MAGI2: variants seen among roughly 807,000 people sequenced by gnomAD.
The protein encoded by MAGI2 is membrane-associated guanylate kinase, WW and PDZ domain-containing protein 2.
Under a neutral mutation model 133.3 loss-of-function variants are expected in MAGI2, and 35 were observed. That is an observed-to-expected ratio of 0.26 (90% CI 0.20 to 0.35). MAGI2 has a LOEUF of 0.35. Ranked by LOEUF, MAGI2 falls within the 10% of genes least tolerant of loss-of-function variation. The pLI is 1.00. For synonymous variants in MAGI2, 729 were observed against 710.6 expected (o/e 1.03, Z -0.41); for missense variants, 1,636 against 1,863.4 (o/e 0.88, Z 2.25).
At chr7:78,358,162 C>CAA (rs1185043187) in intron 7 of MAGI2, 9 of 48,728 alleles carry the variant, frequency 1.8e-4, no homozygotes, top group African/African-American at 2.2e-4. Flanking sequence ...GACTTTGCCT[C>CAA]AAAAAAAAAA....
chr7:78,174,970 T>G (rs533278368), intron 14 of MAGI2, among the ~76,000 whole-genome samples: 5 of 152,334 alleles, frequency 3.3e-5, no homozygotes, highest in African/African-American at 1.2e-4. Context: ...TAACAAGTCC[T>G]TAAGGGTGAT....
intron 1 of MAGI2, among the ~76,000 whole-genome samples, chr7:79,196,093 C>T (rs771526099): frequency 8.6e-5 from 13 of 151,794 alleles, no homozygotes; most frequent in African/African-American, 2.9e-4. Context: ...AAAGTGTTCT[C>T]ATCACAAAAA....
chr7:78,860,990 A>G (rs989303062), intron 2 of MAGI2, among the ~76,000 whole-genome samples: 1 of 152,136 alleles, frequency 6.6e-6, no homozygotes, highest in African/African-American at 2.4e-5. Flanking sequence ...GTTCGATCTC[A>G]GACTGCTGTG....
intron 6 of MAGI2, among the ~76,000 whole-genome samples, chr7:78,417,962 G>A (rs55768465): frequency 0.025 from 3,824 of 152,192 alleles, 154 homozygotes; most frequent in African/African-American, 0.086. Flanking sequence ...TTGAGGACCT[G>A]GTCATGGCTC....
intron 1 of MAGI2, among the ~76,000 whole-genome samples, chr7:79,091,823 C>T (rs551247724): frequency 1.4e-4 from 21 of 151,770 alleles, no homozygotes; most frequent in East Asian, 1.9e-4. Context: ...TTGAATGTTA[C>T]GTAATTTTTT....
intron 1 of MAGI2, among the ~76,000 whole-genome samples, chr7:79,156,286 A>G (rs12112164): frequency 0.79 from 120,663 of 152,070 alleles, 48,547 homozygotes; most frequent in Non-Finnish European, 0.87. Flanking sequence ...AGATAACCCT[A>G]TAAAACTGTC....
chr7:78,806,041 T>C (rs1163556500), intron 2 of MAGI2, among the ~76,000 whole-genome samples: 1 of 152,236 alleles, frequency 6.6e-6, no homozygotes, highest in African/African-American at 2.4e-5. Context: ...GTTTGTGTTA[T>C]ATAACAATCA....
chr7:79,430,944 C>A (rs370193386), intron 1 of MAGI2, among the ~76,000 whole-genome samples: 18 of 152,172 alleles, frequency 1.2e-4, no homozygotes, highest in African/African-American at 3.9e-4. Context: ...TTAAAAGATG[C>A]CTTCTGCAGT....
chr7:78,479,244 G>T (rs560278773), intron 6 of MAGI2, among the ~76,000 whole-genome samples: 4 of 152,030 alleles, frequency 2.6e-5, no homozygotes, highest in African/African-American at 7.2e-5. Flanking sequence ...ATCTGTTTGG[G>T]TTCCTTAAAT....
intron 1 of MAGI2, among the ~76,000 whole-genome samples, chr7:79,204,728 G>T (rs1828893144): frequency 6.6e-6 from 1 of 151,146 alleles, no homozygotes; most frequent in Non-Finnish European, 1.5e-5. Context: ...AATAAAATAA[G>T]GAAAACACTA....
intron 16 of MAGI2, among the ~76,000 whole-genome samples, chr7:78,146,690 C>A (rs760066795): frequency 2.6e-4 from 40 of 152,282 alleles, no homozygotes; most frequent in Non-Finnish European, 4.7e-4. Context: ...ACTTTTCACA[C>A]CCATCAATGT....
chr7:79,195,077 A>G (rs555487221), intron 1 of MAGI2, among the ~76,000 whole-genome samples: 126 of 152,112 alleles, frequency 8.3e-4, no homozygotes, highest in South Asian at 7.5e-3. Context: ...TTATTATTTT[A>G]TGACTCAATT....
intron 1 of MAGI2, among the ~76,000 whole-genome samples, chr7:79,172,686 C>T (rs1825732594): frequency 6.6e-6 from 1 of 151,732 alleles, no homozygotes; most frequent in Admixed American, 6.6e-5. Context: ...AGAATATATA[C>T]CTGTAATCAA....
chr7:78,399,430 T>C (rs117999943), intron 6 of MAGI2, among the ~76,000 whole-genome samples: 3 of 152,340 alleles, frequency 2.0e-5, no homozygotes, highest in Non-Finnish European at 2.9e-5. Context: ...ATTTCATCTA[T>C]AGAATGCTAA....
chr7:78,439,256 A>G (rs1787360932), intron 6 of MAGI2, among the ~76,000 whole-genome samples: 1 of 152,192 alleles, frequency 6.6e-6, no homozygotes, highest in Non-Finnish European at 1.5e-5. Context: ...TTCAACAATC[A>G]TTTATTGAGC....
intron 4 of MAGI2, 71 bp downstream of exon 4, chr7:78,521,359 A>G (rs1796486858): frequency 9.4e-7 from 1 of 1,061,264 alleles, no homozygotes; most frequent in Non-Finnish European, 1.5e-6. Flanking sequence ...CTTACTGTGT[A>G]TATGTGTACA....
chr7:78,885,498 A>G (rs762183341), intron 2 of MAGI2, among the ~76,000 whole-genome samples: 41 of 152,122 alleles, frequency 2.7e-4, no homozygotes, highest in Admixed American at 6.5e-4. Flanking sequence ...GCCTCAAACC[A>G]GATATTGTAC....
At chr7:78,540,569 G>C (rs886107941) in intron 3 of MAGI2, among the ~76,000 whole-genome samples, 4 of 152,098 alleles carry the variant, frequency 2.6e-5, no homozygotes, top group African/African-American at 9.7e-5. Context: ...TGACTTATGT[G>C]CTCATATTTC....
intron 9 of MAGI2, among the ~76,000 whole-genome samples, chr7:78,325,465 A>G (rs1788490354): frequency 6.6e-6 from 1 of 152,154 alleles, no homozygotes; most frequent in South Asian, 2.1e-4. Flanking sequence ...TCCTTCTACT[A>G]TCATAGTCTT....
Sources: allele counts gnomAD v4.1 joint callset (sites outside exome capture counted in the v4.1 genomes callset), GRCh38; gene constraint gnomAD v4.1.1; transcripts MANE v1.5; gene names NCBI Gene and HGNC (gene_info 2026-07-23, HGNC 2026-07-21).